Variants in SERTAD2 observed in about 807,000 individuals in gnomAD.
The protein encoded by SERTAD2 is SERTA domain containing 2.
Under a neutral mutation model 15.4 loss-of-function variants are expected in SERTAD2, and 2 were observed. The ratio of observed to expected loss-of-function variants is 0.13; its 90% CI spans 0.05 to 0.41. SERTAD2 has a LOEUF of 0.41. Among genes scored for constraint, SERTAD2 ranks in the 10% least tolerant of loss-of-function variants. The probability of loss-of-function intolerance (pLI) is 0.99; values close to 1 mark genes in which losing one functional copy is unlikely to be tolerated. For synonymous variants in SERTAD2, 180 were observed against 178.0 expected (o/e 1.01, Z -0.09); for missense variants, 333 against 409.7 (o/e 0.81, Z 1.62).
Position 64,636,488 on chromosome 2 carries a change from G to A in SERTAD2, c.384C>T (p.Ala128=). The part of the protein sequence containing the change: ...CDLGSTTPLE[A]CLTPASLLED... ...CGAGCAGTGAGGCCGGGGTGAGGCA[G>A]GCCTCCAGGGGCGTAGTGCTTCCGA... The change falls in exon 2 of 2, where the codon GCC becomes GCT. Residue 128 remains alanine, a synonymous_variant. Coordinates refer to ENST00000313349, the MANE Select transcript of SERTAD2 (RefSeq NM_014755.3). The A allele has an allele frequency of 1.2e-6, 2 of 1,613,004 alleles. No individual in the cohort carries two copies. The highest frequency in any genetic ancestry group is 1.7e-5 in the Admixed American group (1 of 60,000).
Position 64,633,259 on chromosome 2 carries a change from A to G in SERTAD2, c.*2668T>C, listed in dbSNP as rs550954028. The G allele has an allele frequency of 5.9e-5, 9 of 152,352 alleles. No individual in the cohort carries two copies. In the East Asian group the frequency reaches 1.7e-3, roughly 29 times the overall value. 9.4% of individuals were successfully genotyped at this position (152,352 alleles called of 1,614,324 possible). ...ACTTTGAGTATCAGGGATTTATGGCAACGGTGTCAGAGTTAAAAAGCATTT... is the reference window on the plus strand; with the variant it reads ...ACTTTGAGTATCAGGGATTTATGGCGACGGTGTCAGAGTTAAAAAGCATTT... On this transcript the variant is annotated 3_prime_UTR_variant, in exon 2 of 2. Transcript: ENST00000313349.
At position 64,635,894 on chromosome 2, in the gene SERTAD2, T is replaced by C. The variant is rs764902105; in HGVS notation, c.*33A>G. ...TCAGGGTTATGGGAACGCTCTGGGG[T>C]CTGGGTGGGCATAGTCGCTGGGTCC... On this transcript the variant is annotated 3_prime_UTR_variant, in exon 2 of 2. Coordinates refer to ENST00000313349, the MANE Select transcript of SERTAD2 (RefSeq NM_014755.3). 13 of 1,520,692 alleles carry C rather than the reference T, an allele frequency of 8.5e-6. No individual in the cohort carries two copies. The highest frequency in any genetic ancestry group is 1.4e-5 in the African/African-American group (1 of 72,450). The allele number at this position is 1,520,692 out of a possible 1,614,324, so 94.2% of individuals were successfully genotyped here. A position where few individuals can be genotyped will look rare whatever the true frequency, so the allele number is the denominator to read the frequency against.
intron 1 of SERTAD2, among the ~76,000 whole-genome samples, chr2:64,639,918 A>T (rs1305610101): frequency 6.6e-6 from 1 of 152,176 alleles, no homozygotes; most frequent in African/African-American, 2.4e-5. Context: ...GCTGCCTGGA[A>T]GGGGAGGGCA....
intron 1 of SERTAD2, among the ~76,000 whole-genome samples, chr2:64,650,063 G>C (rs903633847): frequency 6.6e-6 from 1 of 152,150 alleles, no homozygotes; most frequent in South Asian, 2.1e-4. Flanking sequence ...TCAAATTGTG[G>C]GGTTTACTTC....
intron 1 of SERTAD2, among the ~76,000 whole-genome samples, chr2:64,648,093 T>C (rs1674942884): frequency 6.6e-6 from 1 of 152,212 alleles, no homozygotes; most frequent in Non-Finnish European, 1.5e-5. Context: ...GGCCTAAACT[T>C]GGATTCCCTA....
Position 64,636,344 on chromosome 2 carries a change from G to C in SERTAD2, c.528C>G (p.Ile176Met). 2 of 1,614,186 alleles carry C rather than the reference G, an allele frequency of 1.2e-6. No homozygotes were observed. The highest frequency in any genetic ancestry group is 1.7e-6 in the Non-Finnish European group (2 of 1,180,030). The change falls in exon 2 of 2, where the codon ATC (isoleucine) becomes ATG (methionine). Residue 176 changes from isoleucine to methionine, a missense_variant. By Grantham distance (10) the Ile-to-Met change is conservative (BLOSUM62 1). This residue lies in a region of SERTAD2 where 332 missense variants were observed against 392.9 expected (regional missense o/e 0.84). Coordinates refer to ENST00000313349, the MANE Select transcript of SERTAD2 (RefSeq NM_014755.3). ...KDSFSSALDE[I>M]EELCPTSTST... is the part of the protein sequence containing the mutation. ...AGGTAGATGTGGGACAGAGCTCCTC[G>C]ATCTCGTCCAAGGCAGAGGAGAAAC...
intron 1 of SERTAD2, among the ~76,000 whole-genome samples, chr2:64,642,463 G>A (rs761329015): frequency 6.6e-6 from 1 of 151,920 alleles, no homozygotes; most frequent in Non-Finnish European, 1.5e-5. Context: ...GTTATCTTTA[G>A]CTCAAGGTTT....
chr2:64,645,613 T>A (rs1674886574), intron 1 of SERTAD2, among the ~76,000 whole-genome samples: 2 of 152,244 alleles, frequency 1.3e-5, no homozygotes, highest in Admixed American at 1.3e-4. Flanking sequence ...AATAATTTTT[T>A]AAAAATGTTG....
At chr2:64,639,548 G>A (rs1024429888) in intron 1 of SERTAD2, among the ~76,000 whole-genome samples, 1 of 152,134 alleles carries the variant, frequency 6.6e-6, no homozygotes, top group Admixed American at 6.5e-5. Flanking sequence ...GATTTTTATC[G>A]GTTTTCTGGA....
At chr2:64,643,202 C>T (rs991165700) in intron 1 of SERTAD2, among the ~76,000 whole-genome samples, 5 of 152,212 alleles carry the variant, frequency 3.3e-5, no homozygotes, top group Non-Finnish European at 7.3e-5. Flanking sequence ...ACCTTGTGTA[C>T]GTTTTCAAGA....
At chr2:64,648,468 T>C (rs149003449) in intron 1 of SERTAD2, among the ~76,000 whole-genome samples, 51 of 152,328 alleles carry the variant, frequency 3.3e-4, no homozygotes, top group African/African-American at 1.1e-3. Flanking sequence ...TGAGATAAAA[T>C]GTTTGTCTTC....
chr2:64,653,408 G>A (rs1444855765), intron 1 of SERTAD2, among the ~76,000 whole-genome samples: 9 of 151,842 alleles, frequency 5.9e-5, no homozygotes, highest in Admixed American at 4.6e-4. Context: ...AGGCGCCGGG[G>A]GTCCGAGAGC....
In SERTAD2 at chr2:64,640,728, A is replaced by G. The variant is rs182637563; in HGVS notation, c.-4-3853T>C. Among the ~76,000 whole-genome samples, 737 of 151,878 alleles carry G rather than the reference A, an allele frequency of 4.9e-3. 7 individuals are homozygous for G. Among genetic ancestry groups the G allele is most frequent in the Non-Finnish European group, 6.0e-3 (411 of 67,978 alleles). ...CCCCGGGGCTTTGACACTCCACTTT[A>G]TCTCCTCCCTTGGCTGGTGAAGACC... On this transcript the variant is annotated intron_variant, in intron 1 of 1. Coordinates refer to ENST00000313349, the MANE Select transcript of SERTAD2 (RefSeq NM_014755.3).
Position 64,645,435 on chromosome 2 carries a change from C to T in SERTAD2, c.-5+8185G>A, listed in dbSNP as rs1352741786. ...ATACACTGAAATTCGAACAGGAAGT[C>T]AAGCCCCAAGTAAATTTAAGAAACA... On this transcript the variant is annotated intron_variant, in intron 1 of 1. Transcript: ENST00000313349. Among the ~76,000 whole-genome samples, 8 of 151,930 alleles carry T rather than the reference C, an allele frequency of 5.3e-5. No homozygotes were observed. The East Asian group carries it at 1.5e-3, about 29-fold the overall frequency.
At chr2:64,643,462 G>A (rs923100657) in intron 1 of SERTAD2, among the ~76,000 whole-genome samples, 6 of 152,312 alleles carry the variant, frequency 3.9e-5, no homozygotes, top group African/African-American at 1.2e-4. Context: ...GCCTGCACAC[G>A]CGGGATCCTG....
At chr2:64,640,738 T>C (rs1674758079) in intron 1 of SERTAD2, among the ~76,000 whole-genome samples, 1 of 152,124 alleles carries the variant, frequency 6.6e-6, no homozygotes, top group South Asian at 2.1e-4. Flanking sequence ...ATCTCCTCCC[T>C]TGGCTGGTGA....
intron 1 of SERTAD2, among the ~76,000 whole-genome samples, chr2:64,640,840 C>T (rs3821137): frequency 2.6e-5 from 4 of 152,166 alleles, no homozygotes; most frequent in Admixed American, 2.6e-4. Context: ...GAGACTCCCA[C>T]GTGGAGGAAT....
chr2:64,648,020 G>A (rs1674941149), intron 1 of SERTAD2, among the ~76,000 whole-genome samples: 1 of 152,172 alleles, frequency 6.6e-6, no homozygotes, highest in African/African-American at 2.4e-5. Context: ...GCAGTCCAAA[G>A]AGGAAAACCT....
intron 1 of SERTAD2, among the ~76,000 whole-genome samples, chr2:64,638,472 G>C (rs1674706486): frequency 6.6e-6 from 1 of 152,144 alleles, no homozygotes; most frequent in Non-Finnish European, 1.5e-5. Flanking sequence ...CTCATACTTT[G>C]TCACAAAGCA....
Sources: gnomAD v4.1 joint callset for allele counts (sites outside exome capture counted in the v4.1 genomes callset) on GRCh38, gnomAD v4.1.1 for gene constraint, gnomAD v4.1.1 regional missense constraint, MANE v1.5 for transcripts, NCBI Gene and HGNC (gene_info 2026-07-23, HGNC 2026-07-21) for gene names.